PCDHGA3: variants seen among roughly 807,000 people sequenced by gnomAD.
PCDHGA3 encodes the protein protocadherin gamma subfamily A, 3.
A neutral mutation model predicts 58.5 loss-of-function variants in PCDHGA3; 40 were observed. The observed-to-expected ratio is 0.68, with a 90% CI of 0.53 to 0.89. The LOEUF (loss-of-function observed/expected upper bound fraction) is 0.89. PCDHGA3 is among the 40% of genes least tolerant of loss of function. The pLI is 0.00. For synonymous variants in PCDHGA3, 530 were observed against 525.7 expected, an observed-to-expected ratio of 1.01 and a Z score of -0.11; for missense variants, 1,223 against 1,195.9, an observed-to-expected ratio of 1.02 and a Z score of -0.33.
In PCDHGA3 at chr5:141,431,538, A is replaced by G; in HGVS notation, c.2425-63269A>G. ...CCGGAGAATCTGGCCTTGGGCACGC[A>G]GCTGCTTGTAGTCAACGCTACCGAC... is the stretch of plus-strand genomic sequence containing the variant. On this transcript the variant is annotated intron_variant, in intron 1 of 3. Transcript: ENST00000253812. The surrounding 1 kb of genome is among the most constrained non-coding windows in gnomAD (Gnocchi z 4.8). The G allele has an allele frequency of 6.2e-7, 1 of 1,614,114 alleles. No individual in the cohort carries two copies. Among genetic ancestry groups the G allele is most frequent in the Non-Finnish European group, 8.5e-7 (1 of 1,180,024 alleles).
chr5:141,365,592 C>G, intron 1 of PCDHGA3: 5 of 1,613,682 alleles, frequency 3.1e-6, no homozygotes, highest in Non-Finnish European at 4.2e-6. Flanking sequence ...TATAATATCA[C>G]TTTAACCGTC....
chr5:141,371,868 G>T (rs755178809), intron 1 of PCDHGA3: 5 of 1,613,392 alleles, frequency 3.1e-6, no homozygotes, highest in Non-Finnish European at 4.2e-6. Flanking sequence ...CTACTACATC[G>T]TGGCCAGTGA....
At chr5:141,451,077 C>T (rs1422196268) in intron 1 of PCDHGA3, among the ~76,000 whole-genome samples, 1 of 152,098 alleles carries the variant, frequency 6.6e-6, no homozygotes, top group Admixed American at 6.6e-5. Context: ...ATCCACCCAC[C>T]TTGACCTCCC....
Position 141,485,519 on chromosome 5 carries a change from A to T in PCDHGA3, c.2425-9288A>T. ...GTTTGTCACCGAAGGTCCTTTGGAA[A>T]TGTACCGAGCAGAGGTAGAGATCGT... On this transcript the variant is annotated intron_variant, in intron 1 of 3. Transcript: ENST00000253812. The surrounding 1 kb of genome is among the most constrained non-coding windows in gnomAD (Gnocchi z 5.7). The T allele has an allele frequency of 6.2e-7, 1 of 1,614,150 alleles. No individual in the cohort carries two copies. The highest frequency in any genetic ancestry group is 8.5e-7 in the Non-Finnish European group (1 of 1,180,018).
At chr5:141,456,099 G>A (rs1428094221) in intron 1 of PCDHGA3, among the ~76,000 whole-genome samples, 5 of 151,980 alleles carry the variant, frequency 3.3e-5, no homozygotes, top group East Asian at 1.9e-4. Flanking sequence ...GGATTTCACC[G>A]TGTTAGCCAG....
intron 1 of PCDHGA3, among the ~76,000 whole-genome samples, chr5:141,369,166 G>C (rs1766070013): frequency 6.6e-6 from 1 of 152,148 alleles, no homozygotes; most frequent in African/African-American, 2.4e-5. Context: ...AGGGAAAAGT[G>C]TAAATAACAA....
At chr5:141,355,359 G>T in intron 1 of PCDHGA3, 1 of 1,614,048 alleles carries the variant, frequency 6.2e-7, no homozygotes, top group African/African-American at 1.3e-5. Context: ...AGGACCTGGG[G>T]TTGGCGCCCC....
At chr5:141,351,516 T>A in intron 1 of PCDHGA3, 1 of 1,613,972 alleles carries the variant, frequency 6.2e-7, no homozygotes, top group Middle Eastern at 1.6e-4. Context: ...GTCACAATCA[T>A]AGCCACCGAC....
intron 1 of PCDHGA3, chr5:141,393,124 T>A: frequency 6.2e-7 from 1 of 1,613,430 alleles, no homozygotes; most frequent in Non-Finnish European, 8.5e-7. Flanking sequence ...CGGTGTCTGA[T>A]AAATATTAAC....
rs752392369 is a variant in PCDHGA3 at position 141,422,109 on chromosome 5, A to G, written c.2425-72698A>G. ...AAAGCAAGGCTTCTGAAATATTCCA[A>G]TTGGATTCACAAACTGGAGAAGTTC... On this transcript the variant is annotated intron_variant, in intron 1 of 3. Coordinates refer to ENST00000253812, the MANE Select transcript of PCDHGA3 (RefSeq NM_018916.4). 6 of 1,606,850 alleles carry G rather than the reference A, an allele frequency of 3.7e-6. No homozygotes were observed. The African/African-American group carries it at 4.0e-5, about 11-fold the overall frequency.
chr5:141,349,811 C>G (rs557672609), intron 1 of PCDHGA3, among the ~76,000 whole-genome samples: 15 of 151,668 alleles, frequency 9.9e-5, no homozygotes, highest in Middle Eastern at 6.8e-3. Context: ...ACCCCCAAAA[C>G]TGAAAAAAAT....
intron 1 of PCDHGA3, chr5:141,352,703 A>G (rs775340897): frequency 1.7e-5 from 26 of 1,547,670 alleles, no homozygotes; most frequent in Admixed American, 7.8e-5. Flanking sequence ...AATTTTATAT[A>G]TGGCGGCCGG....
At chr5:141,392,273 GC>G (rs1371015127) in intron 1 of PCDHGA3, 1 of 152,178 alleles carries the variant, frequency 6.6e-6, no homozygotes, top group Non-Finnish European at 1.5e-5. Flanking sequence ...TTACAATAAA[GC>G]TTAGAGCACA....
intron 2 of PCDHGA3, among the ~76,000 whole-genome samples, chr5:141,504,722 C>T (rs747319660): frequency 1.3e-5 from 2 of 151,828 alleles, no homozygotes; most frequent in Non-Finnish European, 2.9e-5. Context: ...GGATTTTACT[C>T]TGAGGGCTTA....
At chr5:141,360,241 T>G (rs371403228) in intron 1 of PCDHGA3, 1 of 1,613,930 alleles carries the variant, frequency 6.2e-7, no homozygotes, top group Non-Finnish European at 8.5e-7. Flanking sequence ...GATCCGCTAT[T>G]CAATTCCAGA....
intron 1 of PCDHGA3, chr5:141,420,003 T>C: frequency 6.2e-7 from 1 of 1,614,100 alleles, no homozygotes; most frequent in Non-Finnish European, 8.5e-7. Flanking sequence ...GCTCTACGCC[T>C]GCGACAGTCT....
intron 2 of PCDHGA3, among the ~76,000 whole-genome samples, chr5:141,501,102 C>G (rs951290710): frequency 2.0e-5 from 3 of 152,014 alleles, no homozygotes; most frequent in African/African-American, 4.8e-5. Flanking sequence ...CTCTTGACCT[C>G]GTGATCCGCC....
intron 1 of PCDHGA3, chr5:141,421,280 G>A (rs564480755): frequency 1.2e-6 from 2 of 1,612,948 alleles, no homozygotes; most frequent in South Asian, 2.2e-5. Context: ...CTGCTGCTGT[G>A]CATTTTCCTG....
chr5:141,350,137 G>A, intron 1 of PCDHGA3: 1 of 770,114 alleles, frequency 1.3e-6, no homozygotes. Flanking sequence ...CACAGACGCT[G>A]CTCCTGTTCA....
Sources: gnomAD v4.1 joint callset for allele counts (sites outside exome capture counted in the v4.1 genomes callset) on GRCh38, gnomAD v4.1.1 for gene constraint, Gnocchi (gnomAD v3.1) non-coding constraint, MANE v1.5 for transcripts, NCBI Gene and HGNC (gene_info 2026-07-23, HGNC 2026-07-21) for gene names.